LMNTD1: variants seen among roughly 807,000 people sequenced by gnomAD.
LMNTD1 encodes the protein lamin tail domain containing 1.
A neutral mutation model predicts 50.9 loss-of-function variants in LMNTD1; 35 were observed. The ratio of observed to expected loss-of-function variants is 0.69; its 90% CI spans 0.53 to 0.91. The LOEUF (loss-of-function observed/expected upper bound fraction) is 0.91, where lower values mean the gene tolerates loss of function less well. Ranked by LOEUF, LMNTD1 falls within the 40% of genes least tolerant of loss-of-function variation. LMNTD1 has a pLI of 0.00. For missense variants in LMNTD1, 470 were observed against 475.5 expected (o/e 0.99, Z 0.11); for synonymous variants, 153 against 161.9 (o/e 0.94, Z 0.42).
intron 1 of LMNTD1, among the ~76,000 whole-genome samples, chr12:25,641,736 T>G (rs959514456): frequency 6.6e-6 from 1 of 152,032 alleles, no homozygotes; most frequent in Non-Finnish European, 1.5e-5. Context: ...AGAAACATTA[T>G]GAAACTCTGC....
intron 8 of LMNTD1, among the ~76,000 whole-genome samples, chr12:25,506,761 C>A (rs1424223866): frequency 6.6e-6 from 1 of 151,104 alleles, no homozygotes; most frequent in Non-Finnish European, 1.5e-5. Flanking sequence ...TTTACTATTT[C>A]AAATTTTTAT....
chr12:25,504,983 A>T (rs570292313), intron 8 of LMNTD1, among the ~76,000 whole-genome samples: 31 of 152,360 alleles, frequency 2.0e-4, no homozygotes, highest in African/African-American at 7.5e-4. Flanking sequence ...TAAATATTTT[A>T]TGTATGTCCT....
At chr12:25,560,756 T>G (rs1592017333) in intron 1 of LMNTD1, among the ~76,000 whole-genome samples, 2 of 152,220 alleles carry the variant, frequency 1.3e-5, no homozygotes, top group Non-Finnish European at 2.9e-5. Flanking sequence ...ACATCCCTTA[T>G]AAGTTGGATT....
chr12:25,629,527 T>TA (rs1946668163), intron 1 of LMNTD1, among the ~76,000 whole-genome samples: 1 of 152,172 alleles, frequency 6.6e-6, no homozygotes, highest in Non-Finnish European at 1.5e-5. Context: ...CTAAGTGCCC[T>TA]ATTCATAGAC....
At chr12:25,524,855 G>GT (rs1941594662) in intron 6 of LMNTD1, among the ~76,000 whole-genome samples, 1 of 152,162 alleles carries the variant, frequency 6.6e-6, no homozygotes, top group Admixed American at 6.5e-5. Flanking sequence ...CTAAAGCTGA[G>GT]TGGGTGAAGG....
At chr12:25,552,387 C>T (rs829051) in intron 2 of LMNTD1, among the ~76,000 whole-genome samples, 93,412 of 151,334 alleles carry the variant, frequency 0.62, 30,144 homozygotes, top group Non-Finnish European at 0.71. Context: ...GGGAGGCCGA[C>T]GCGGGCAGAT....
At chr12:25,531,244 AT>A (rs1376878965) in intron 4 of LMNTD1, among the ~76,000 whole-genome samples, 1 of 152,218 alleles carries the variant, frequency 6.6e-6, no homozygotes, top group African/African-American at 2.4e-5. Context: ...GACAACCCAG[AT>A]TTATGGCCTA....
At chr12:25,557,117 A>C (rs1433285279), upstream of LMNTD1, 1 of 152,234 alleles carries the variant, frequency 6.6e-6, no homozygotes, top group Non-Finnish European at 1.5e-5. Context: ...CACCCACATA[A>C]AAATAGTATA....
chr12:25,569,318 C>A (rs1380960648), intron 1 of LMNTD1, among the ~76,000 whole-genome samples: 1 of 151,906 alleles, frequency 6.6e-6, no homozygotes, highest in Non-Finnish European at 1.5e-5. Flanking sequence ...TTTTAGGCAA[C>A]TTTTCCCTTT....
At chr12:25,528,475 C>CA (rs1283253586) in intron 4 of LMNTD1, among the ~76,000 whole-genome samples, 3 of 152,136 alleles carry the variant, frequency 2.0e-5, no homozygotes, top group Non-Finnish European at 4.4e-5. Context: ...TTGCTGCTAC[C>CA]AAAAACTTAG....
intron 1 of LMNTD1, among the ~76,000 whole-genome samples, chr12:25,565,103 T>G (rs1944499381): frequency 6.6e-6 from 1 of 152,170 alleles, no homozygotes; most frequent in Admixed American, 6.5e-5. Context: ...CCCTTTATTT[T>G]TAGTCTATGT....
At chr12:25,521,132 T>G (rs1409206261) in intron 6 of LMNTD1, among the ~76,000 whole-genome samples, 2 of 102,232 alleles carry the variant, frequency 2.0e-5, no homozygotes, top group Non-Finnish European at 2.5e-5. Context: ...ATATGAGGTT[T>G]GCAAACTTTT....
Position 25,601,306 on chromosome 12 carries a change from G to A in LMNTD1, c.58+47188C>T, listed in dbSNP as rs143353271. 3.3e-5 allele frequency among the ~76,000 whole-genome samples: 5 copies of A among 152,042 alleles called. No homozygotes were observed. In the East Asian group the frequency reaches 9.6e-4, roughly 29 times the overall value. On this transcript the variant is annotated intron_variant, in intron 1 of 7. Coordinates refer to the LMNTD1 transcript ENST00000445693. ...GGACAGTTACCAGAGGCTGGGAAGGGTAGTGGGATGGTGGAGGTTGGGAGA... is the reference window on the plus strand; with the variant it reads ...GGACAGTTACCAGAGGCTGGGAAGGATAGTGGGATGGTGGAGGTTGGGAGA...
intron 1 of LMNTD1, among the ~76,000 whole-genome samples, chr12:25,632,573 G>A (rs1300211865): frequency 2.0e-5 from 3 of 152,146 alleles, no homozygotes; most frequent in Admixed American, 6.5e-5. Flanking sequence ...GAAAGATACA[G>A]TCTTTTTTGG....
chr12:25,625,035 C>G (rs1946557890), intron 1 of LMNTD1, among the ~76,000 whole-genome samples: 1 of 152,126 alleles, frequency 6.6e-6, no homozygotes, highest in Non-Finnish European at 1.5e-5. Flanking sequence ...TACACATGCA[C>G]ACATTCACAC....
intron 8 of LMNTD1, among the ~76,000 whole-genome samples, chr12:25,517,088 G>GGGTGGGGGAAGGGGGGAGGGAT (rs1940847776): frequency 1.7e-5 from 1 of 59,694 alleles, no homozygotes; most frequent in Non-Finnish European, 5.0e-5. Flanking sequence ...GGAGAAATAG[G>GGGTGGGGGAAGGGGGGAGGGAT]AACACTTTTA....
chr12:25,536,938 C>A (rs1942634123), intron 4 of LMNTD1, among the ~76,000 whole-genome samples: 1 of 148,586 alleles, frequency 6.7e-6, no homozygotes, highest in Non-Finnish European at 1.5e-5. Context: ...TCAGGGAGTT[C>A]CCTTTCCTAA....
chr12:25,562,778 C>T (rs11534745), intron 1 of LMNTD1, among the ~76,000 whole-genome samples: 3 of 152,034 alleles, frequency 2.0e-5, no homozygotes, highest in African/African-American at 7.3e-5. Context: ...TACACCAATC[C>T]GATGTAGATT....
chr12:25,553,235 G>C lies in LMNTD1; in HGVS notation c.-197C>G, dbSNP rs989034937. ...TGGTGCAGGTGTGTAGCATTCACTGGAAGCAGCTTGAGAGGGCAGTAACTT... is the reference window on the plus strand; with the variant it reads ...TGGTGCAGGTGTGTAGCATTCACTGCAAGCAGCTTGAGAGGGCAGTAACTT... On this transcript the variant is annotated 5_prime_UTR_variant, in exon 1 of 10. Transcript: ENST00000458174. 2.0e-6 allele frequency: 3 copies of C among 1,488,406 alleles called. No individual in the cohort carries two copies. The highest frequency in any genetic ancestry group is 2.7e-6 in the Non-Finnish European group (3 of 1,122,642). 92.2% of individuals were successfully genotyped at this position (1,488,406 alleles called of 1,614,324 possible). A position where few individuals can be genotyped will look rare whatever the true frequency, so the allele number is the denominator to read the frequency against.
Sources: gnomAD v4.1 joint callset for allele counts (sites outside exome capture counted in the v4.1 genomes callset) on GRCh38, gnomAD v4.1.1 for gene constraint, MANE v1.5 for transcripts, NCBI Gene and HGNC (gene_info 2026-07-23, HGNC 2026-07-21) for gene names.